Variants in LANCL1 observed in about 807,000 individuals in gnomAD.
The protein encoded by LANCL1 is LanC like glutathione S-transferase 1.
LANCL1 carries 50 observed loss-of-function variants against 50.6 expected under a neutral mutation model. That is an observed-to-expected ratio of 0.99 (90% confidence interval 0.79 to 1.25). LANCL1 has a LOEUF of 1.25. Among genes scored for constraint, LANCL1 ranks in the 50% most tolerant of loss-of-function variants. LANCL1 has a pLI of 0.00. For synonymous variants in LANCL1, 188 were observed against 178.6 expected, an observed-to-expected ratio of 1.05 and a Z score of -0.42; for missense variants, 532 against 480.7, an observed-to-expected ratio of 1.11 and a Z score of -1.00.
At chr2:210,469,969 A>AT (rs3832125) in intron 3 of LANCL1, among the ~76,000 whole-genome samples, 10,717 of 148,158 alleles carry the variant, frequency 0.072, 1,255 homozygotes, top group African/African-American at 0.25. Flanking sequence ...TTAACTAGTG[A>AT]TTTTTTTTTT....
chr2:210,477,009 T>G (rs1482787675), upstream of LANCL1, among the ~76,000 whole-genome samples: 11 of 152,144 alleles, frequency 7.2e-5, no homozygotes, highest in Admixed American at 7.2e-4. Flanking sequence ...AAGTATATAT[T>G]TTTTTAACCT....
intron 4 of LANCL1, among the ~76,000 whole-genome samples, chr2:210,445,841 T>G (rs1163526672): frequency 6.6e-6 from 1 of 152,208 alleles, no homozygotes; most frequent in East Asian, 1.9e-4. Context: ...CTCACAGTAC[T>G]TCCTCAGGGT....
chr2:210,437,988 G>T, intron 6 of LANCL1, 116 bp from the exon 7 acceptor site: 2 of 658,366 alleles, frequency 3.0e-6, no homozygotes, highest in Non-Finnish European at 4.7e-6. Flanking sequence ...TCATTAAGAG[G>T]TTTTGGATTT....
intron 9 of LANCL1, 36 bp downstream of exon 9, chr2:210,435,348 CTGA>C (rs1559704259): frequency 2.7e-6 from 4 of 1,479,518 alleles, no homozygotes; most frequent in Non-Finnish European, 3.8e-6. Context: ...GAAGTAGATG[CTGA>C]TATTATAGGG....
In LANCL1 at chr2:210,467,088, G is replaced by C. The variant is rs183420371; in HGVS notation, c.199+4871C>G. Among the ~76,000 whole-genome samples the C allele has an allele frequency of 4.9e-4, 74 of 152,294 alleles. No homozygotes were observed. The East Asian group carries it at 0.012, about 24-fold the overall frequency. On this transcript the variant is annotated intron_variant, in intron 3 of 9. Coordinates refer to ENST00000450366, the MANE Select transcript of LANCL1 (RefSeq NM_006055.3). ...CTTATGAACCAGTGCTAGAGGATGAGGAAGATATAGAAGAAGCAGCACCAG... is the reference window on the plus strand; with the variant it reads ...CTTATGAACCAGTGCTAGAGGATGACGAAGATATAGAAGAAGCAGCACCAG...
chr2:210,440,417 C>T (rs932900654), intron 6 of LANCL1, among the ~76,000 whole-genome samples, 181 bp downstream of exon 6: 1 of 152,190 alleles, frequency 6.6e-6, no homozygotes, highest in Non-Finnish European at 1.5e-5. Flanking sequence ...TGTTTATACA[C>T]TTTTAAAGGC....
chr2:210,438,375 T>G (rs1693011699), intron 6 of LANCL1, among the ~76,000 whole-genome samples: 1 of 152,208 alleles, frequency 6.6e-6, no homozygotes, highest in Non-Finnish European at 1.5e-5. Flanking sequence ...CCTCAGATGA[T>G]CCGCCCACCT....
intron 4 of LANCL1, among the ~76,000 whole-genome samples, chr2:210,441,764 G>A (rs911063812): frequency 6.6e-6 from 1 of 152,110 alleles, no homozygotes; most frequent in Non-Finnish European, 1.5e-5. Flanking sequence ...GCCAAGAACT[G>A]CTGGCTTTTA....
At chr2:210,474,057 C>T (rs1057426606) in intron 2 of LANCL1, among the ~76,000 whole-genome samples, 13 of 152,192 alleles carry the variant, frequency 8.5e-5, no homozygotes, top group African/African-American at 3.1e-4. Context: ...AGGGAAGTTA[C>T]TTTCTGTTTG....
At position 210,431,942 on chromosome 2, in the gene LANCL1, G is replaced by A. The variant is rs981409434; in HGVS notation, c.*2545C>T. 6.6e-6 allele frequency: 1 copy of A among 152,178 alleles called. No individual in the cohort carries two copies. Among genetic ancestry groups the A allele is most frequent in the Non-Finnish European group, 1.5e-5 (1 of 68,034 alleles). The allele number at this position is 152,178 out of a possible 1,614,324, so 9.4% of individuals were successfully genotyped here. Reference sequence around the variant, plus strand: ...ACATGTGACAGGATAAATGAACACTGCTTGATGACCTTTGACAACCTTTGA... The same window carrying A: ...ACATGTGACAGGATAAATGAACACTACTTGATGACCTTTGACAACCTTTGA... On this transcript the variant is annotated 3_prime_UTR_variant, in exon 10 of 10. Transcript: ENST00000450366.
chr2:210,440,594 T>G lies in LANCL1; in HGVS notation c.690+4A>C. The stretch of plus-strand genomic sequence containing the variant: ...TTTAAAATTTCACCATAATCACTCC[T>G]TACCTGCATCAGGTAGTAATAAATT... On this transcript the variant is annotated splice_donor_region_variant and intron_variant, in intron 6 of 9. Coordinates refer to ENST00000450366, the MANE Select transcript of LANCL1 (RefSeq NM_006055.3). 1 of 1,611,262 alleles carries G rather than the reference T, an allele frequency of 6.2e-7. No individual in the cohort carries two copies. Among genetic ancestry groups the G allele is most frequent in the East Asian group, 2.2e-5 (1 of 44,850 alleles).
intron 6 of LANCL1, among the ~76,000 whole-genome samples, chr2:210,440,215 A>C (rs529270456): frequency 2.2e-4 from 34 of 152,224 alleles, no homozygotes; most frequent in African/African-American, 8.2e-4. Context: ...TTATTCCTGG[A>C]ATTTGTTGGA....
intron 2 of LANCL1, 134 bp from the exon 3 acceptor site, chr2:210,472,210 A>T: frequency 1.7e-6 from 1 of 600,564 alleles, no homozygotes; most frequent in Non-Finnish European, 3.0e-6. Context: ...TAAACAATTT[A>T]TTTTCTATTC....
chr2:210,475,801 C>G (rs1367087086), intron 2 of LANCL1, among the ~76,000 whole-genome samples: 2 of 151,056 alleles, frequency 1.3e-5, no homozygotes, highest in Admixed American at 6.6e-5. Context: ...TTTTTGTTTT[C>G]CAGCTGTGGA....
At chr2:210,471,435 G>A in intron 3 of LANCL1, 1 of 365,674 alleles carries the variant, frequency 2.7e-6, no homozygotes, top group Admixed American at 3.5e-5. Flanking sequence ...GATTGAGATT[G>A]GCAATGCAGC....
intron 7 of LANCL1, among the ~76,000 whole-genome samples, chr2:210,437,362 T>A (rs1692968077): frequency 6.6e-6 from 1 of 152,222 alleles, no homozygotes; most frequent in African/African-American, 2.4e-5. Flanking sequence ...TTGGATTATT[T>A]TCACCTGTGG....
At chr2:210,469,607 T>G (rs929215024) in intron 3 of LANCL1, among the ~76,000 whole-genome samples, 2 of 152,146 alleles carry the variant, frequency 1.3e-5, no homozygotes, top group Non-Finnish European at 2.9e-5. Context: ...TAAGCTGCTT[T>G]CAGGAGTCAG....
In LANCL1 at chr2:210,476,732, C is replaced by A; in HGVS notation, c.-129G>T. On this transcript the variant is annotated 5_prime_UTR_variant, in exon 1 of 10. Coordinates refer to ENST00000450366, the MANE Select transcript of LANCL1 (RefSeq NM_006055.3). The stretch of plus-strand genomic sequence containing the variant: ...GCCCTGGCCTCTCACCCCGCAGCCC[C>A]GGACAGTAACAGAAGGGCTATTTTA... 1 of 1,092,092 alleles carries A rather than the reference C, an allele frequency of 9.2e-7. No individual in the cohort carries two copies. Among genetic ancestry groups the A allele is most frequent in the Admixed American group, 4.7e-5 (1 of 21,238 alleles). 67.7% of individuals were successfully genotyped at this position (1,092,092 alleles called of 1,614,324 possible). A position where few individuals can be genotyped will look rare whatever the true frequency, so the allele number is the denominator to read the frequency against.
chr2:210,433,109 A>G lies in LANCL1; in HGVS notation c.*1378T>C, dbSNP rs1692801450. Reference sequence around the variant, plus strand: ...GAGAGCTGTGAAATAGGCACATTTAAAATACTTAGACCCTGTTATTTTAAA... The same window carrying G: ...GAGAGCTGTGAAATAGGCACATTTAGAATACTTAGACCCTGTTATTTTAAA... On this transcript the variant is annotated 3_prime_UTR_variant, in exon 10 of 10. Coordinates refer to ENST00000450366, the MANE Select transcript of LANCL1 (RefSeq NM_006055.3). The G allele has an allele frequency of 6.6e-6, 1 of 152,608 alleles. No homozygotes were observed. Among genetic ancestry groups the G allele is most frequent in the Non-Finnish European group, 1.5e-5 (1 of 68,046 alleles). The allele number at this position is 152,608 out of a possible 1,614,324, so 9.5% of individuals were successfully genotyped here. A position where few individuals can be genotyped will look rare whatever the true frequency, so the allele number is the denominator to read the frequency against.
Sources: allele counts gnomAD v4.1 joint callset (sites outside exome capture counted in the v4.1 genomes callset), GRCh38; gene constraint gnomAD v4.1.1; transcripts MANE v1.5; gene names NCBI Gene and HGNC (gene_info 2026-07-23, HGNC 2026-07-21).